Variants in GPRASP3 observed in about 807,000 individuals in gnomAD.
GPRASP3 encodes G protein-coupled receptor associated sorting protein 3.
chrX:102,728,329 G>A, the GPRASP3 span, among the ~76,000 whole-genome samples: 3 of 111,400 alleles, frequency 2.7e-5, no homozygotes, highest in Non-Finnish European at 5.6e-5. Flanking sequence ...TGGAATCACA[G>A]GCATGAGCCA....
the GPRASP3 span, among the ~76,000 whole-genome samples, chrX:102,731,588 CCACTCCAGCCTGGG>C: frequency 9.1e-6 from 1 of 109,432 alleles, no homozygotes; most frequent in East Asian, 2.9e-4. Flanking sequence ...TGAGATCACG[CCACTCCAGCCTGGG>C]CAACAGAGCG....
At chrX:102,724,718 G>GGTGTGTGTGTGTGT in the GPRASP3 span, among the ~76,000 whole-genome samples, 12 of 98,830 alleles carry the variant, frequency 1.2e-4, no homozygotes, top group East Asian at 3.2e-4. Flanking sequence ...CAGGGTGACT[G>GGTGTGTGTGTGTGT]GTGTGTGTGT....
At chrX:102,730,194 C>T in the GPRASP3 span, among the ~76,000 whole-genome samples, 4 of 112,031 alleles carry the variant, frequency 3.6e-5, no homozygotes, top group East Asian at 1.1e-3. Flanking sequence ...ATTAGATTCT[C>T]ATAAGGAGCA....
the GPRASP3 span, among the ~76,000 whole-genome samples, chrX:102,746,555 G>C: frequency 2.7e-5 from 3 of 112,609 alleles, no homozygotes; most frequent in African/African-American, 9.7e-5. Flanking sequence ...GGGAAGGCCG[G>C]GGGGAGCCGG....
chrX:102,734,303 T>C, the GPRASP3 span, among the ~76,000 whole-genome samples: 1 of 112,083 alleles, frequency 8.9e-6, no homozygotes, highest in Admixed American at 9.4e-5. Context: ...TAGCTGATTA[T>C]AAAACACCAT....
At chrX:102,750,354 G>A in the GPRASP3 span, 1 of 1,205,718 alleles carries the variant, frequency 8.3e-7, no homozygotes, top group African/African-American at 1.8e-5. Context: ...TCCATTTGCT[G>A]TCCTCAGGAA....
At chrX:102,725,601 A>G in the GPRASP3 span, among the ~76,000 whole-genome samples, 1 of 106,108 alleles carries the variant, frequency 9.4e-6, no homozygotes, top group Non-Finnish European at 1.9e-5. Flanking sequence ...ATCTCAGCTC[A>G]CTGCAACTTC....
chrX:102,742,115 C>T, the GPRASP3 span, among the ~76,000 whole-genome samples: 1 of 112,113 alleles, frequency 8.9e-6, no homozygotes, highest in Non-Finnish European at 1.9e-5. Context: ...TCTTGTCCAT[C>T]TCAGTGTGCT....
chrX:102,741,592 A>G, the GPRASP3 span, among the ~76,000 whole-genome samples: 1 of 111,769 alleles, frequency 8.9e-6, no homozygotes, highest in Non-Finnish European at 1.9e-5. Flanking sequence ...CCAACTGCCA[A>G]TTTTTCAATT....
chrX:102,725,842 C>T, the GPRASP3 span, among the ~76,000 whole-genome samples: 1 of 112,327 alleles, frequency 8.9e-6, no homozygotes, highest in Non-Finnish European at 1.9e-5. Flanking sequence ...CCACTGCGCC[C>T]ATCCCACTTG....
At chrX:102,728,977 C>T in the GPRASP3 span, among the ~76,000 whole-genome samples, 1 of 112,251 alleles carries the variant, frequency 8.9e-6, no homozygotes, top group African/African-American at 3.2e-5. Flanking sequence ...TTTCATAGAA[C>T]AGAAACTGCT....
At chrX:102,721,118 T>A in the GPRASP3 span, 2 of 111,368 alleles carry the variant, frequency 1.8e-5, no homozygotes, top group African/African-American at 6.5e-5. Context: ...GCCTGCTCCC[T>A]CCTGCCTTTT....
the GPRASP3 span, among the ~76,000 whole-genome samples, chrX:102,744,994 A>AAT: frequency 1.6e-3 from 177 of 111,382 alleles, no homozygotes; most frequent in African/African-American, 4.9e-3. Context: ...AGAGTAAAAA[A>AAT]ATATATATAT....
At chrX:102,743,670 T>C in the GPRASP3 span, among the ~76,000 whole-genome samples, 3 of 106,110 alleles carry the variant, frequency 2.8e-5, no homozygotes, top group Non-Finnish European at 5.8e-5. Flanking sequence ...CTGAAGAATT[T>C]GGGGGCTAGG....
the GPRASP3 span, among the ~76,000 whole-genome samples, chrX:102,729,654 G>T: frequency 8.9e-6 from 1 of 112,061 alleles, no homozygotes; most frequent in Non-Finnish European, 1.9e-5. Context: ...TAGATCACCT[G>T]AGGTCAGGAG....
the GPRASP3 span, among the ~76,000 whole-genome samples, chrX:102,724,534 A>AT: frequency 1.8e-5 from 2 of 109,975 alleles, no homozygotes; most frequent in East Asian, 5.7e-4. Context: ...TCCTGTCATC[A>AT]TTTTTTTTCT....
At chrX:102,725,491 T>G in the GPRASP3 span, among the ~76,000 whole-genome samples, 181 of 110,967 alleles carry the variant, frequency 1.6e-3, no homozygotes, top group Non-Finnish European at 2.6e-3. Context: ...TCTTTGTACT[T>G]ACACAATATT....
the GPRASP3 span, among the ~76,000 whole-genome samples, chrX:102,735,405 T>C: frequency 3.5e-4 from 34 of 96,765 alleles, no homozygotes; most frequent in Non-Finnish European, 5.7e-4. Flanking sequence ...CAGAATCTCT[T>C]TTTTTTTTTT....
At chrX:102,742,376 C>T in the GPRASP3 span, among the ~76,000 whole-genome samples, 14 of 111,696 alleles carry the variant, frequency 1.3e-4, 2 homozygotes, top group East Asian at 8.5e-4. Flanking sequence ...CCTTTGTAGG[C>T]CTAACAAATT....
Sources: gnomAD v4.1 joint callset for allele counts (sites outside exome capture counted in the v4.1 genomes callset) on GRCh38, gnomAD v4.1.1 for gene constraint, MANE v1.5 for transcripts, NCBI Gene and HGNC (gene_info 2026-07-23, HGNC 2026-07-21) for gene names.